Variants in MACROD2 observed in about 807,000 individuals in gnomAD.
MACROD2 encodes ADP-ribose glycohydrolase MACROD2.
In MACROD2, 36 loss-of-function variants were observed where a neutral mutation model predicts 70.4. That is an observed-to-expected ratio of 0.51 (90% CI 0.39 to 0.68). MACROD2 has a LOEUF of 0.68. Ranked by LOEUF, MACROD2 falls within the 30% of genes least tolerant of loss-of-function variation. The pLI, the probability that MACROD2 is intolerant of heterozygous loss-of-function variation, is 0.00. For synonymous variants in MACROD2, 172 were observed against 178.8 expected, an observed-to-expected ratio of 0.96 and a Z score of 0.30; for missense variants, 496 against 538.4, an observed-to-expected ratio of 0.92 and a Z score of 0.78.
At chr20:14,134,505 G>C (rs1007843512) in intron 3 of MACROD2, among the ~76,000 whole-genome samples, 4 of 151,760 alleles carry the variant, frequency 2.6e-5, no homozygotes, top group African/African-American at 9.7e-5. Context: ...CCTCTTTTTC[G>C]TTTATAAAGA....
chr20:14,058,564 G>A (rs1207953494), intron 2 of MACROD2, among the ~76,000 whole-genome samples: 5 of 150,360 alleles, frequency 3.3e-5, no homozygotes, highest in Non-Finnish European at 5.9e-5. Context: ...CCTATATTGA[G>A]AGTCTTTGAC....
intron 10 of MACROD2, among the ~76,000 whole-genome samples, chr20:15,914,408 G>A (rs2065281770): frequency 6.6e-6 from 1 of 152,208 alleles, no homozygotes; most frequent in Non-Finnish European, 1.5e-5. Context: ...ACCTAAGGCA[G>A]TTGGGCCAGG....
chr20:15,657,154 C>T (rs960129370), intron 8 of MACROD2, among the ~76,000 whole-genome samples: 1 of 152,100 alleles, frequency 6.6e-6, no homozygotes, highest in Non-Finnish European at 1.5e-5. Flanking sequence ...CCTGAATGGC[C>T]ACATGGAAAA....
At chr20:15,063,232 C>A (rs953450901) in intron 5 of MACROD2, among the ~76,000 whole-genome samples, 1 of 152,176 alleles carries the variant, frequency 6.6e-6, no homozygotes, top group Non-Finnish European at 1.5e-5. Context: ...ACTCTGGGAA[C>A]TGCAAATTGC....
chr20:15,884,880 TAG>T (rs1344907427), intron 9 of MACROD2, among the ~76,000 whole-genome samples: 1 of 152,042 alleles, frequency 6.6e-6, no homozygotes, highest in Non-Finnish European at 1.5e-5. Context: ...CCTCTTCCTG[TAG>T]AGAGCCATCT....
At chr20:14,544,513 G>A (rs1489256855) in intron 4 of MACROD2, among the ~76,000 whole-genome samples, 1 of 151,932 alleles carries the variant, frequency 6.6e-6, no homozygotes, top group Non-Finnish European at 1.5e-5. Context: ...TAAAAGTTTC[G>A]AGTCCATATG....
At chr20:14,795,666 A>C (rs1311227807) in intron 5 of MACROD2, among the ~76,000 whole-genome samples, 16 of 152,134 alleles carry the variant, frequency 1.1e-4, no homozygotes, top group Non-Finnish European at 1.5e-5. Flanking sequence ...GCAGGAGGCA[A>C]GGCCAGTGAT....
chr20:14,556,247 C>T lies in MACROD2; in HGVS notation c.301+62739C>T, dbSNP rs568897077. ...CAAAATGGAGTAGCCTCATTCCTTCCGGGTTCTCTCCCTTATAACTAAAAA... is the reference window on the plus strand; with the variant it reads ...CAAAATGGAGTAGCCTCATTCCTTCTGGGTTCTCTCCCTTATAACTAAAAA... On this transcript the variant is annotated intron_variant, in intron 4 of 17. Coordinates refer to ENST00000684519, the MANE Select transcript of MACROD2 (RefSeq NM_001351661.2). Among the ~76,000 whole-genome samples the T allele has an allele frequency of 4.4e-3, 662 of 152,038 alleles. 4 individuals are homozygous for T. The highest frequency in any genetic ancestry group is 8.1e-3 in the Non-Finnish European group (551 of 67,946).
chr20:15,587,361 A>C (rs997459053), intron 8 of MACROD2, among the ~76,000 whole-genome samples: 3 of 152,152 alleles, frequency 2.0e-5, no homozygotes, highest in Non-Finnish European at 2.9e-5. Context: ...ATTCAAGTTG[A>C]GATTTGAATG....
intron 3 of MACROD2, among the ~76,000 whole-genome samples, chr20:14,443,025 G>A (rs2084142756): frequency 6.6e-6 from 1 of 151,396 alleles, no homozygotes; most frequent in Admixed American, 6.6e-5. Flanking sequence ...GTTGCAGTGA[G>A]CCGAGATCGC....
intron 8 of MACROD2, among the ~76,000 whole-genome samples, chr20:15,679,876 G>A (rs1315267088): frequency 1.3e-5 from 2 of 152,208 alleles, no homozygotes; most frequent in African/African-American, 4.8e-5. Context: ...CTGCAGAAAT[G>A]TGAGAAAATA....
rs2046271877 is a variant in MACROD2 at position 15,424,500 on chromosome 20, T to C, written c.541-6905T>C. 2.0e-5 allele frequency among the ~76,000 whole-genome samples: 3 copies of C among 152,232 alleles called. No individual in the cohort carries two copies. The South Asian group carries it at 6.2e-4, about 32-fold the overall frequency. ...TGGGAGGCCAAGGCAGGAGGATCAGTTGAAGCCAGGAGTTTGACACTAGCC... is the reference window on the plus strand; with the variant it reads ...TGGGAGGCCAAGGCAGGAGGATCAGCTGAAGCCAGGAGTTTGACACTAGCC... On this transcript the variant is annotated intron_variant, in intron 6 of 17. Transcript: ENST00000684519.
chr20:15,783,961 T>G (rs1289305315), intron 8 of MACROD2, among the ~76,000 whole-genome samples: 1 of 152,224 alleles, frequency 6.6e-6, no homozygotes, highest in African/African-American at 2.4e-5. Flanking sequence ...TGGCTACCTA[T>G]GTCTCAGTTC....
intron 5 of MACROD2, among the ~76,000 whole-genome samples, chr20:15,198,659 A>G (rs909220112): frequency 2.0e-5 from 3 of 152,188 alleles, no homozygotes; most frequent in African/African-American, 4.8e-5. Context: ...ATGGACTATA[A>G]TTCATTTCAC....
At chr20:14,836,462 G>A (rs2073031309) in intron 5 of MACROD2, among the ~76,000 whole-genome samples, 1 of 152,036 alleles carries the variant, frequency 6.6e-6, no homozygotes, top group Admixed American at 6.6e-5. Context: ...AGAAGCAAAG[G>A]CAAAGGGGTC....
intron 5 of MACROD2, among the ~76,000 whole-genome samples, chr20:15,094,435 A>T (rs560436540): frequency 6.6e-6 from 1 of 152,328 alleles, no homozygotes; most frequent in South Asian, 2.1e-4. Context: ...TAGTAGAGGA[A>T]TAAGGTTTTC....
intron 10 of MACROD2, chr20:15,894,055 G>T: frequency 2.5e-6 from 1 of 405,828 alleles, no homozygotes; most frequent in Non-Finnish European, 4.9e-6. Flanking sequence ...AAAGTGGCCG[G>T]CCTCAGCAGG....
intron 5 of MACROD2, among the ~76,000 whole-genome samples, chr20:14,833,080 C>CTT (rs1323052669): frequency 6.6e-6 from 1 of 152,164 alleles, no homozygotes; most frequent in African/African-American, 2.4e-5. Flanking sequence ...ACTAGTGTGA[C>CTT]TGAGGAATTA....
At position 14,665,791 on chromosome 20, in the gene MACROD2, A is replaced by G. The variant is rs553795284; in HGVS notation, c.302-19052A>G. On this transcript the variant is annotated intron_variant, in intron 4 of 17. Transcript: ENST00000684519. ...TCCACAGTCACTGGAAGGTGGTTCA[A>G]ATTCTCCAGGGCACTTTTATCTTCC... is the stretch of plus-strand genomic sequence containing the variant. Among the ~76,000 whole-genome samples, 83 of 152,176 alleles carry G rather than the reference A, an allele frequency of 5.5e-4. 1 individual carries two copies. Among genetic ancestry groups the G allele is most frequent in the South Asian group, 1.7e-3 (8 of 4,818 alleles).
Sources: allele counts gnomAD v4.1 joint callset (sites outside exome capture counted in the v4.1 genomes callset), GRCh38; gene constraint gnomAD v4.1.1; transcripts MANE v1.5; gene names NCBI Gene and HGNC (gene_info 2026-07-23, HGNC 2026-07-21).